The following ABI3BP variants were observed in gnomAD, a reference collection of about 807,000 sequenced individuals.
The protein encoded by ABI3BP is target of Nesh-SH3.
Under a neutral mutation model 268.6 loss-of-function variants are expected in ABI3BP, and 216 were observed. The ratio of observed to expected loss-of-function variants is 0.80; its 90% confidence interval spans 0.72 to 0.90. The LOEUF is 0.90. ABI3BP is among the 40% of genes least tolerant of loss of function. ABI3BP has a pLI of 0.00. For synonymous variants in ABI3BP, 730 were observed against 730.0 expected, an observed-to-expected ratio of 1.00 and a Z score of 0.00; for missense variants, 2,090 against 2,182.4, an observed-to-expected ratio of 0.96 and a Z score of 0.84.
chr3:100,948,267 T>C (rs1189548558), intron 1 of ABI3BP, among the ~76,000 whole-genome samples: 2 of 152,132 alleles, frequency 1.3e-5, no homozygotes, highest in South Asian at 4.1e-4. Flanking sequence ...TCTTAGATGA[T>C]TAAAAATAAG....
At position 100,935,602 on chromosome 3, in the gene ABI3BP, ATCC is replaced by A. The variant is rs1159689768; in HGVS notation, c.80-9124_80-9122del. Among the ~76,000 whole-genome samples, 330 of 152,208 alleles carry A rather than the reference ATCC, an allele frequency of 2.2e-3. 1 individual carries two copies. Among genetic ancestry groups the A allele is most frequent in the African/African-American group, 7.5e-3 (311 of 41,524 alleles). On this transcript the variant is annotated intron_variant, in intron 1 of 67. Transcript: ENST00000471714. Reference sequence around the variant, plus strand: ...CATTTTCACGATATTGATTCTTCCTATCCATGAGCACGGAATGTTTTTCCATTT... The same window carrying A: ...CATTTTCACGATATTGATTCTTCCTAATGAGCACGGAATGTTTTTCCATTT...
chr3:100,951,081 C>T lies in ABI3BP; in HGVS notation c.80-24600G>A, dbSNP rs148747397. 4.4e-3 allele frequency among the ~76,000 whole-genome samples: 666 copies of T among 152,004 alleles called. 10 individuals are homozygous for T. The highest frequency in any genetic ancestry group is 0.015 in the African/African-American group (604 of 41,342). On this transcript the variant is annotated intron_variant, in intron 1 of 67. Transcript: ENST00000471714. ...TCCCACACCAGCATTAGAATAATTT[C>T]GATGATTTTAATGATTCTAAAAATG...
intron 2 of ABI3BP, among the ~76,000 whole-genome samples, chr3:100,903,331 A>G (rs764795351): frequency 8.5e-5 from 13 of 152,254 alleles, no homozygotes; most frequent in Non-Finnish European, 1.6e-4. Flanking sequence ...ATAAAATTAT[A>G]TTAAATCAAT....
At chr3:100,824,968 C>T (rs1560486001) in intron 35 of ABI3BP, 27 bp from the exon 36 acceptor site, 3 of 1,524,132 alleles carry the variant, frequency 2.0e-6, no homozygotes, top group Non-Finnish European at 1.8e-6. Context: ...CCTTGTGTTA[C>T]TCTAGGTCTT....
intron 1 of ABI3BP, among the ~76,000 whole-genome samples, chr3:100,968,363 C>A (rs1300217719): frequency 6.6e-6 from 1 of 152,160 alleles, no homozygotes; most frequent in East Asian, 1.9e-4. Flanking sequence ...ACTTTTTTCA[C>A]TTTATTATTC....
chr3:100,858,794 A>C (rs76219010), intron 14 of ABI3BP, among the ~76,000 whole-genome samples: 1,949 of 152,262 alleles, frequency 0.013, 40 homozygotes, highest in African/African-American at 0.044. Flanking sequence ...TGATGGATCA[A>C]GACAAAAACA....
At chr3:100,963,115 T>C (rs951882192) in intron 1 of ABI3BP, among the ~76,000 whole-genome samples, 8 of 152,168 alleles carry the variant, frequency 5.3e-5, no homozygotes, top group African/African-American at 1.9e-4. Context: ...TGTTAACCCA[T>C]TTAATCTTCA....
At chr3:100,908,266 T>C (rs1258159026) in intron 2 of ABI3BP, among the ~76,000 whole-genome samples, 3 of 152,178 alleles carry the variant, frequency 2.0e-5, no homozygotes, top group Non-Finnish European at 1.5e-5. Flanking sequence ...ATCAAATGTA[T>C]GATCCTCCTT....
intron 51 of ABI3BP, among the ~76,000 whole-genome samples, chr3:100,803,961 A>G (rs889829501): frequency 1.3e-5 from 2 of 152,192 alleles, no homozygotes; most frequent in African/African-American, 2.4e-5. Context: ...ATTTTAAACT[A>G]TAGCTTAGAA....
Position 100,771,617 on chromosome 3 carries a change from T to C in ABI3BP, c.4532-665A>G, listed in dbSNP as rs145434019. ...ATCAAATTTCTAGAGATGAAAGCTA[T>C]AAGACAGAAGATGCACTGGTTAGAA... On this transcript the variant is annotated intron_variant, in intron 61 of 67. Coordinates refer to ENST00000471714, the MANE Select transcript of ABI3BP (RefSeq NM_001375547.2). Among the ~76,000 whole-genome samples the C allele has an allele frequency of 3.4e-3, 517 of 152,264 alleles. 5 individuals carry two copies. The highest frequency in any genetic ancestry group is 5.0e-3 in the Non-Finnish European group (338 of 68,006).
intron 2 of ABI3BP, chr3:100,911,883 C>A (rs568076789): frequency 6.3e-7 from 1 of 1,581,750 alleles, no homozygotes; most frequent in Admixed American, 1.7e-5. Context: ...TGAATGACGA[C>A]AGAATTTGTA....
At chr3:100,870,954 C>A (rs867917965) in intron 9 of ABI3BP, among the ~76,000 whole-genome samples, 17 of 152,198 alleles carry the variant, frequency 1.1e-4, no homozygotes, top group Middle Eastern at 3.4e-3. Flanking sequence ...AAAAACACTG[C>A]ATGATTTCAC....
chr3:100,909,823 G>A (rs148210258), intron 2 of ABI3BP, among the ~76,000 whole-genome samples: 4,350 of 152,240 alleles, frequency 0.029, 227 homozygotes, highest in East Asian at 0.26. Context: ...GTTGGTGGGA[G>A]TGTAAATTAG....
At chr3:100,801,098 A>G (rs1014616255) in intron 51 of ABI3BP, among the ~76,000 whole-genome samples, 3 of 152,130 alleles carry the variant, frequency 2.0e-5, no homozygotes, top group Non-Finnish European at 2.9e-5. Flanking sequence ...GTGGCAATCA[A>G]TATTTGCTGA....
chr3:100,986,157 T>C (rs1392966739), intron 1 of ABI3BP, among the ~76,000 whole-genome samples: 2 of 152,212 alleles, frequency 1.3e-5, no homozygotes, highest in South Asian at 2.1e-4. Flanking sequence ...GAAAGGCCTA[T>C]GAGGCAGAGA....
intron 1 of ABI3BP, among the ~76,000 whole-genome samples, chr3:100,943,324 C>T (rs1030499783): frequency 6.6e-6 from 1 of 152,054 alleles, no homozygotes; most frequent in Admixed American, 6.6e-5. Flanking sequence ...TCCATGTCAA[C>T]TGAATTTCAG....
At chr3:100,821,653 A>G (rs1315520459) in intron 38 of ABI3BP, among the ~76,000 whole-genome samples, 1 of 131,266 alleles carries the variant, frequency 7.6e-6, no homozygotes, top group East Asian at 2.3e-4. Flanking sequence ...CCAAGGCTGG[A>G]GTGCAGTGGC....
chr3:100,774,286 T>G (rs2096638288), intron 61 of ABI3BP, among the ~76,000 whole-genome samples: 1 of 152,124 alleles, frequency 6.6e-6, no homozygotes, highest in Non-Finnish European at 1.5e-5. Flanking sequence ...CTTTCTTGAT[T>G]TTGCATTATT....
intron 50 of ABI3BP, 113 bp from the exon 51 acceptor site, chr3:100,804,979 AGAG>A (rs2097661522): frequency 7.2e-6 from 6 of 829,726 alleles, no homozygotes; most frequent in Admixed American, 4.0e-5. Context: ...AAAGCATTAG[AGAG>A]AAGACAGAAG....
Sources: allele counts gnomAD v4.1 joint callset (sites outside exome capture counted in the v4.1 genomes callset), GRCh38; gene constraint gnomAD v4.1.1; transcripts MANE v1.5; gene names NCBI Gene and HGNC (gene_info 2026-07-23, HGNC 2026-07-21).